The following KIF13B variants were observed in gnomAD, a reference collection of about 807,000 sequenced individuals.
KIF13B encodes the protein kinesin-like protein KIF13B.
Under a neutral mutation model 222.0 loss-of-function variants are expected in KIF13B, and 127 were observed. The ratio of observed to expected loss-of-function variants is 0.57; its 90% confidence interval spans 0.50 to 0.66. KIF13B has a LOEUF of 0.66. KIF13B is among the 30% of genes least tolerant of loss of function. The pLI, the probability that KIF13B is intolerant of heterozygous loss-of-function variation, is 0.00. For synonymous variants in KIF13B, 976 were observed against 919.0 expected, an observed-to-expected ratio of 1.06 and a Z score of -1.12; for missense variants, 2,173 against 2,379.0, an observed-to-expected ratio of 0.91 and a Z score of 1.80.
chr8:29,092,808 G>T lies in KIF13B; in HGVS notation c.4395C>A (p.Leu1465=). Residue 1465 remains leucine (L), a synonymous_variant, in exon 37 of 40, where the codon CTC becomes CTA. Coordinates refer to ENST00000524189, the MANE Select transcript of KIF13B (RefSeq NM_015254.4). ...CATCGCGGACGGGAAAGAGAGACTTGAGGAGCTTTGGCATTTGCGGCACGA... is the reference window on the plus strand; with the variant it reads ...CATCGCGGACGGGAAAGAGAGACTTTAGGAGCTTTGGCATTTGCGGCACGA... ...KSFVPQMPKL[L]KSLFPVRDEK... is the part of the protein sequence containing the mutation. 2 of 1,613,330 alleles carry T rather than the reference G, an allele frequency of 1.2e-6. No homozygotes were observed. Among genetic ancestry groups the T allele is most frequent in the Non-Finnish European group, 1.7e-6 (2 of 1,179,666 alleles).
At chr8:29,238,434 A>C (rs559482331) in intron 2 of KIF13B, among the ~76,000 whole-genome samples, 2 of 152,350 alleles carry the variant, frequency 1.3e-5, no homozygotes, top group East Asian at 3.9e-4. Flanking sequence ...TGTTTTGTTC[A>C]TATTAGGTAC....
chr8:29,236,671 T>A (rs1815523209), intron 2 of KIF13B, among the ~76,000 whole-genome samples: 1 of 152,140 alleles, frequency 6.6e-6, no homozygotes. Context: ...ATATATAAAT[T>A]ACGTTTGATA....
At chr8:29,261,496 A>T (rs1816678885) in intron 1 of KIF13B, among the ~76,000 whole-genome samples, 1 of 152,222 alleles carries the variant, frequency 6.6e-6, no homozygotes, top group Non-Finnish European at 1.5e-5. Context: ...TGCTGAAACC[A>T]TCCTTTCAGA....
Position 29,180,163 on chromosome 8 carries a change from G to C in KIF13B, c.661C>G (p.Arg221Gly). The C allele has an allele frequency of 6.2e-7, 1 of 1,613,900 alleles. No homozygotes were observed. Among genetic ancestry groups the C allele is most frequent in the Non-Finnish European group, 8.5e-7 (1 of 1,179,862 alleles). ...AATNMNEESS[R>G]SHAVFKITLT... ...GTGATTTTGAAAACTGCATGGGATCGGCTACTCTCCTCGTTCATGTTGGTT... is the reference window on the plus strand; with the variant it reads ...GTGATTTTGAAAACTGCATGGGATCCGCTACTCTCCTCGTTCATGTTGGTT... The change falls in exon 8 of 40, where the codon CGA becomes GGA. Residue 221 changes from arginine (R) to glycine (G), a missense_variant. Physicochemically the swap from Arg to Gly is moderately radical, Grantham distance 125. Transcript: ENST00000524189.
chr8:29,246,477 A>C (rs2130656125), intron 1 of KIF13B, among the ~76,000 whole-genome samples: 1 of 152,300 alleles, frequency 6.6e-6, no homozygotes, highest in East Asian at 1.9e-4. Flanking sequence ...AGACTCAAAC[A>C]GGAAGACACT....
chr8:29,253,082 A>G lies in KIF13B; in HGVS notation c.56-7643T>C, dbSNP rs142940105. ...TGATAGTGTGAAAATAATTAAAATAATCCCCCAGCTACTTGGGAGTCTGAA... is the reference window on the plus strand; with the variant it reads ...TGATAGTGTGAAAATAATTAAAATAGTCCCCCAGCTACTTGGGAGTCTGAA... On this transcript the variant is annotated intron_variant, in intron 1 of 39. Transcript: ENST00000524189. Among the ~76,000 whole-genome samples, 819 of 152,266 alleles carry G rather than the reference A, an allele frequency of 5.4e-3. 6 individuals are homozygous for G. The highest frequency in any genetic ancestry group is 0.018 in the African/African-American group (758 of 41,556).
At chr8:29,194,389 A>G (rs1402728206) in intron 3 of KIF13B, among the ~76,000 whole-genome samples, 1 of 151,746 alleles carries the variant, frequency 6.6e-6, no homozygotes, top group Non-Finnish European at 1.5e-5. Context: ...CAAAGTAACC[A>G]TAATGGAGCT....
At chr8:29,252,496 T>G (rs1379906307) in intron 1 of KIF13B, among the ~76,000 whole-genome samples, 1 of 152,274 alleles carries the variant, frequency 6.6e-6, no homozygotes, top group Non-Finnish European at 1.5e-5. Flanking sequence ...TGTACCTCCC[T>G]TTATCTACCA....
chr8:29,202,879 A>C lies in KIF13B; in HGVS notation c.150-6680T>G, dbSNP rs1813760941. 2.0e-5 allele frequency among the ~76,000 whole-genome samples: 3 copies of C among 151,866 alleles called. No homozygotes were observed. The South Asian group carries it at 6.3e-4, about 32-fold the overall frequency. ...TCACTCCCCTGTCCTCCATATACCTAACTTAGGTAACACCATTCCCCCTAG... is the reference window on the plus strand; with the variant it reads ...TCACTCCCCTGTCCTCCATATACCTCACTTAGGTAACACCATTCCCCCTAG... On this transcript the variant is annotated intron_variant, in intron 2 of 39. Transcript: ENST00000524189.
chr8:29,188,375 G>A, intron 5 of KIF13B, 140 bp downstream of exon 5: 3 of 549,954 alleles, frequency 5.5e-6, no homozygotes, highest in East Asian at 3.0e-5. Context: ...TAATGTTACT[G>A]ACTACTTTCA....
chr8:29,135,201 G>A (rs1810504276), intron 21 of KIF13B, among the ~76,000 whole-genome samples: 1 of 152,028 alleles, frequency 6.6e-6, no homozygotes. Context: ...GTGTCACCAT[G>A]CCCAGCTAAT....
At chr8:29,180,046 A>T (rs1812645832) in intron 8 of KIF13B, 58 bp downstream of exon 8, 12 of 1,596,660 alleles carry the variant, frequency 7.5e-6, no homozygotes, top group Non-Finnish European at 1.0e-5. Context: ...AGAGGAAAAA[A>T]ATAAAACCAC....
intron 13 of KIF13B, 80 bp from the exon 14 acceptor site, chr8:29,155,936 A>G: frequency 8.6e-7 from 1 of 1,159,278 alleles, no homozygotes; most frequent in Non-Finnish European, 1.3e-6. Flanking sequence ...GAGCCCTCTT[A>G]TATTGTCCTA....
At chr8:29,114,500 T>C (rs1809504919) in intron 31 of KIF13B, among the ~76,000 whole-genome samples, 1 of 152,200 alleles carries the variant, frequency 6.6e-6, no homozygotes, top group Non-Finnish European at 1.5e-5. Flanking sequence ...ATCACTGTCC[T>C]TAGGGGTGGT....
At chr8:29,084,913 C>T (rs530896042) in intron 37 of KIF13B, among the ~76,000 whole-genome samples, 8 of 152,332 alleles carry the variant, frequency 5.3e-5, no homozygotes, top group African/African-American at 1.9e-4. Flanking sequence ...ATTTTGTCAG[C>T]TGCCACCTCT....
At chr8:29,205,054 T>G (rs1282954577) in intron 2 of KIF13B, among the ~76,000 whole-genome samples, 1 of 152,154 alleles carries the variant, frequency 6.6e-6, no homozygotes, top group Non-Finnish European at 1.5e-5. Flanking sequence ...CTGGGCACAG[T>G]GGCTCACACC....
chr8:29,072,474 C>T (rs1563677559), intron 38 of KIF13B, among the ~76,000 whole-genome samples, 158 bp from the exon 39 acceptor site: 1 of 152,178 alleles, frequency 6.6e-6, no homozygotes, highest in Admixed American at 6.5e-5. Flanking sequence ...CGCTTGAGCC[C>T]AGGAGTTCAA....
chr8:29,249,892 T>G (rs1018847780), intron 1 of KIF13B: 1 of 491,042 alleles, frequency 2.0e-6, no homozygotes, highest in African/African-American at 2.0e-5. Flanking sequence ...CTATTTCTGA[T>G]GTTTTGTCTT....
chr8:29,194,113 C>T (rs911136489), intron 3 of KIF13B, among the ~76,000 whole-genome samples: 3 of 151,968 alleles, frequency 2.0e-5, no homozygotes, highest in East Asian at 1.9e-4. Context: ...CATGAGCCAC[C>T]GCGCCCGGCC....
Sources: gnomAD v4.1 joint callset for allele counts (sites outside exome capture counted in the v4.1 genomes callset) on GRCh38, gnomAD v4.1.1 for gene constraint, MANE v1.5 for transcripts, NCBI Gene and HGNC (gene_info 2026-07-23, HGNC 2026-07-21) for gene names.